Variants in PSG11 observed in about 807,000 individuals in gnomAD.
PSG11 encodes pregnancy-specific beta-1-glycoprotein 11.
PSG11 carries 42 observed loss-of-function variants against 36.0 expected under a neutral mutation model. The observed-to-expected ratio is 1.17, with a 90% CI of 0.91 to 1.51. PSG11 has a LOEUF of 1.51. Among genes scored for constraint, PSG11 ranks in the 40% most tolerant of loss-of-function variants. The pLI is 0.00. For synonymous variants in PSG11, 206 were observed against 153.5 expected (o/e 1.34, Z -2.53); for missense variants, 558 against 403.5 (o/e 1.38, Z -3.28).
rs373100653 is a variant in PSG11, at chr19:43,021,121, T to A, written c.431-2073A>T. Among the ~76,000 whole-genome samples the A allele has an allele frequency of 2.2e-4, 33 of 151,564 alleles. 1 individual carries two copies. The South Asian group carries it at 6.9e-3, about 32-fold the overall frequency. ...AAACCACCAGTATTCCTCTTAAGTATGTGTTACAGCCTTTGTAGTTGTCCC... is the reference window on the plus strand; with the variant it reads ...AAACCACCAGTATTCCTCTTAAGTAAGTGTTACAGCCTTTGTAGTTGTCCC... On this transcript the variant is annotated intron_variant, in intron 2 of 5. Transcript: ENST00000320078.
chr19:43,014,918 G>T lies in PSG11; in HGVS notation c.964+198C>A, dbSNP rs1029301953. On this transcript the variant is annotated intron_variant, in intron 4 of 5. Coordinates refer to ENST00000320078, the MANE Select transcript of PSG11 (RefSeq NM_002785.3). ...CCTACCTTTCTCAGGCCAGACACAAGGTCAGTCATGAGAAAACAGAAAAAA... is the reference window on the plus strand; with the variant it reads ...CCTACCTTTCTCAGGCCAGACACAATGTCAGTCATGAGAAAACAGAAAAAA... The T allele has an allele frequency of 1.0e-5, 15 of 1,440,962 alleles. 1 individual carries two copies. Among genetic ancestry groups the T allele is most frequent in the Non-Finnish European group, 1.0e-5 (11 of 1,083,730 alleles). 89.3% of individuals were successfully genotyped at this position (1,440,962 alleles called of 1,614,324 possible).
chr19:43,019,235 CT>C, intron 2 of PSG11, 187 bp from the exon 3 acceptor site: 1 of 1,288,608 alleles, frequency 7.8e-7, no homozygotes, highest in Non-Finnish European at 1.0e-6. Flanking sequence ...AGGCTGCCTG[CT>C]TTATGTGGGA....
intron 2 of PSG11, among the ~76,000 whole-genome samples, chr19:43,023,902 G>A (rs543334888): frequency 1.1e-4 from 17 of 151,572 alleles, no homozygotes; most frequent in African/African-American, 3.4e-4. Context: ...GTTCACACAA[G>A]CAGCATTTAT....
intron 3 of PSG11, among the ~76,000 whole-genome samples, chr19:43,018,064 A>G (rs1599675231): frequency 1.3e-5 from 2 of 151,310 alleles, no homozygotes; most frequent in Admixed American, 6.6e-5. Context: ...CCTGATAGCT[A>G]GATAGACTTC....
chr19:43,010,867 G>A (rs1433367973), intron 4 of PSG11, among the ~76,000 whole-genome samples: 2 of 141,774 alleles, frequency 1.4e-5, no homozygotes, highest in African/African-American at 5.4e-5. Flanking sequence ...TTGTTCTAGT[G>A]TTTTATGTGT....
At chr19:43,011,883 G>A (rs993219763) in intron 4 of PSG11, among the ~76,000 whole-genome samples, 1 of 147,258 alleles carries the variant, frequency 6.8e-6, no homozygotes, top group Admixed American at 6.8e-5. Context: ...CCTACAGAGT[G>A]AGAGTCTGTC....
At chr19:43,016,886 G>T (rs957859915) in intron 3 of PSG11, among the ~76,000 whole-genome samples, 3 of 151,564 alleles carry the variant, frequency 2.0e-5, no homozygotes, top group Non-Finnish European at 4.4e-5. Context: ...CTGGTGGAAA[G>T]GGTGGGAATG....
At chr19:43,024,229 A>T (rs1459710630) in intron 2 of PSG11, among the ~76,000 whole-genome samples, 5 of 151,492 alleles carry the variant, frequency 3.3e-5, no homozygotes, top group Admixed American at 1.3e-4. Context: ...GCCCTGCCCA[A>T]GAAGCCACAA....
chr19:43,012,427 TA>T (rs1354310479), intron 4 of PSG11, among the ~76,000 whole-genome samples: 2 of 151,450 alleles, frequency 1.3e-5, no homozygotes, highest in African/African-American at 4.9e-5. Flanking sequence ...TTAGAATTAA[TA>T]AATAAATTCA....
chr19:43,018,321 G>T (rs1005737696), intron 3 of PSG11: 7 of 261,030 alleles, frequency 2.7e-5, no homozygotes, highest in African/African-American at 1.3e-4. Context: ...GACTTCCCCT[G>T]TATGGTAATA....
At chr19:43,011,071 A>T (rs1400861789) in intron 4 of PSG11, among the ~76,000 whole-genome samples, 2 of 150,902 alleles carry the variant, frequency 1.3e-5, no homozygotes, top group African/African-American at 4.9e-5. Context: ...TGCTGTAAAA[A>T]CTTTCCTGGT....
At position 43,015,324 on chromosome 19, in the gene PSG11, A is replaced by G. The variant is rs1196082773; in HGVS notation, c.756T>C (p.Tyr252=). The G allele has an allele frequency of 3.7e-6, 6 of 1,610,130 alleles. No homozygotes were observed. Among genetic ancestry groups the G allele is most frequent in the African/African-American group, 2.7e-5 (2 of 74,464 alleles). ...AGGACAAGTCGAGGTTCTCTCCTGAATAGTAAGAGGTGACTGAAGGGAAAA... is the reference window on the plus strand; with the variant it reads ...AGGACAAGTCGAGGTTCTCTCCTGAGTAGTAAGAGGTGACTGAAGGGAAAA... ...PRIFPSVTSY[Y]SGENLDLSCF... The change falls in exon 4 of 6, where the codon TAT becomes TAC. Residue 252 remains tyrosine, a synonymous_variant. Transcript: ENST00000320078.
intron 2 of PSG11, among the ~76,000 whole-genome samples, chr19:43,022,932 G>A (rs3950836): frequency 1.3e-5 from 2 of 150,746 alleles, no homozygotes; most frequent in East Asian, 3.9e-4. Context: ...CCTAGGGGTG[G>A]GGGAAGAAGC....
At chr19:43,014,844 T>C in intron 4 of PSG11, 1 of 1,331,324 alleles carries the variant, frequency 7.5e-7, no homozygotes, top group Non-Finnish European at 1.0e-6. Context: ...CTTGTCCCTC[T>C]GTGAAGCCTC....
rs1568484787 is a variant in PSG11, at chr19:43,010,059, G to T, written c.965-18C>A. ...TGGAGGAGCTGTCATGGAAAGAAAAGAAAAGAAGGAATGAAGGTGATGTTA... is the reference window on the plus strand; with the variant it reads ...TGGAGGAGCTGTCATGGAAAGAAAATAAAAGAAGGAATGAAGGTGATGTTA... On this transcript the variant is annotated intron_variant, in intron 4 of 5. Coordinates refer to ENST00000320078, the MANE Select transcript of PSG11 (RefSeq NM_002785.3). The T allele has an allele frequency of 1.9e-6, 3 of 1,606,354 alleles. No homozygotes were observed. In the South Asian group the frequency reaches 3.3e-5, roughly 18 times the overall value.
chr19:43,019,309 C>A (rs551617368), intron 2 of PSG11: 13 of 725,288 alleles, frequency 1.8e-5, no homozygotes, highest in Admixed American at 6.5e-5. Flanking sequence ...AGACACAGGA[C>A]CAGCAGTCAT....
rs1973974589 is a variant in PSG11 at position 43,008,055 on chromosome 19, G to C, written c.*41-13C>G. The C allele has an allele frequency of 2.7e-6, 1 of 375,564 alleles. No individual in the cohort carries two copies. 23.3% of individuals were successfully genotyped at this position (375,564 alleles called of 1,614,324 possible). ...TTCCATAAATCTCCTTGAAGAAAAA[G>C]CAATTTTGGACTGTAGCTGATTTTA... On this transcript the variant is annotated splice_polypyrimidine_tract_variant and intron_variant, in intron 5 of 5. Transcript: ENST00000320078.
chr19:43,016,420 A>G, intron 3 of PSG11, among the ~76,000 whole-genome samples: 1 of 151,076 alleles, frequency 6.6e-6, no homozygotes, highest in Non-Finnish European at 1.5e-5. Context: ...TCCAAATTCC[A>G]TCCTACTTTG....
chr19:43,016,127 T>A (rs1453615844), intron 3 of PSG11: 1 of 1,527,640 alleles, frequency 6.5e-7, no homozygotes, highest in African/African-American at 1.4e-5. Flanking sequence ...AGTTGGCATC[T>A]CCCACCTCTC....
Sources: gnomAD v4.1 joint callset for allele counts (sites outside exome capture counted in the v4.1 genomes callset) on GRCh38, gnomAD v4.1.1 for gene constraint, MANE v1.5 for transcripts, NCBI Gene and HGNC (gene_info 2026-07-23, HGNC 2026-07-21) for gene names.